The following MAGI1 variants were observed in gnomAD, a reference collection of about 807,000 sequenced individuals.
MAGI1 encodes the protein membrane associated guanylate kinase, WW and PDZ domain containing 1.
In MAGI1, 58 loss-of-function variants were observed where a neutral mutation model predicts 139.9. That is an observed-to-expected ratio of 0.41 (90% CI 0.34 to 0.52). MAGI1 has a LOEUF of 0.52. MAGI1 is among the 20% of genes least tolerant of loss of function. MAGI1 has a pLI of 0.12. For missense variants in MAGI1, 1,874 were observed against 1,901.6 expected, an observed-to-expected ratio of 0.99 and a Z score of 0.27; for synonymous variants, 812 against 737.9, an observed-to-expected ratio of 1.10 and a Z score of -1.63.
intron 12 of MAGI1, among the ~76,000 whole-genome samples, chr3:65,420,559 C>T (rs988774335): frequency 6.6e-6 from 1 of 152,184 alleles, no homozygotes; most frequent in African/African-American, 2.4e-5. Flanking sequence ...GCAGATGACG[C>T]TGCTCTATTC....
At chr3:65,798,952 C>T (rs1325385453) in intron 1 of MAGI1, among the ~76,000 whole-genome samples, 1 of 152,034 alleles carries the variant, frequency 6.6e-6, no homozygotes, top group Admixed American at 6.6e-5. Context: ...GTGAGCAGGT[C>T]GACTGTCAAA....
intron 1 of MAGI1, among the ~76,000 whole-genome samples, chr3:65,696,818 G>C (rs1420698039): frequency 2.0e-5 from 3 of 152,102 alleles, no homozygotes; most frequent in Admixed American, 2.0e-4. Flanking sequence ...TTCTCATAAT[G>C]TGATCCCTGG....
chr3:65,730,617 C>A (rs1477547790), intron 1 of MAGI1, among the ~76,000 whole-genome samples: 2 of 152,140 alleles, frequency 1.3e-5, no homozygotes, highest in African/African-American at 4.8e-5. Flanking sequence ...TGGGACAGGC[C>A]TGCTTTGCCT....
chr3:65,699,778 G>T (rs1576790855), intron 1 of MAGI1, among the ~76,000 whole-genome samples: 2 of 149,288 alleles, frequency 1.3e-5, no homozygotes, highest in African/African-American at 4.9e-5. Context: ...CCTAATGCTA[G>T]ATGACGAGTT....
At chr3:65,860,870 A>G (rs1298113653) in intron 1 of MAGI1, among the ~76,000 whole-genome samples, 1 of 152,228 alleles carries the variant, frequency 6.6e-6, no homozygotes, top group Non-Finnish European at 1.5e-5. Context: ...TCATTATTTT[A>G]CCCATTACTT....
intron 1 of MAGI1, among the ~76,000 whole-genome samples, chr3:65,694,836 C>T (rs2089006446): frequency 1.3e-5 from 2 of 152,206 alleles, no homozygotes; most frequent in Admixed American, 6.5e-5. Context: ...ACTGCAATCA[C>T]TACTCACTAC....
intron 1 of MAGI1, among the ~76,000 whole-genome samples, chr3:65,844,693 C>T (rs1174927323): frequency 6.6e-6 from 1 of 152,114 alleles, no homozygotes; most frequent in Admixed American, 6.6e-5. Flanking sequence ...CAAAGTGCAG[C>T]TTAAAAAGAA....
chr3:65,692,497 T>A (rs2088768278), intron 1 of MAGI1, among the ~76,000 whole-genome samples: 1 of 152,132 alleles, frequency 6.6e-6, no homozygotes, highest in South Asian at 2.1e-4. Flanking sequence ...TTACCCTACA[T>A]AGACTTACAC....
intron 1 of MAGI1, among the ~76,000 whole-genome samples, chr3:65,878,359 T>C (rs1020239346): frequency 6.6e-6 from 1 of 151,776 alleles, no homozygotes; most frequent in African/African-American, 2.4e-5. Flanking sequence ...TCGACAGAAA[T>C]ACAAAAATTA....
chr3:65,850,728 C>A (rs765504504), intron 1 of MAGI1, among the ~76,000 whole-genome samples: 2 of 152,258 alleles, frequency 1.3e-5, no homozygotes, highest in Non-Finnish European at 2.9e-5. Flanking sequence ...CAGGATGCAA[C>A]GTTCACTCCC....
intron 1 of MAGI1, among the ~76,000 whole-genome samples, chr3:65,778,236 G>T (rs1466726655): frequency 2.0e-5 from 3 of 151,934 alleles, no homozygotes; most frequent in African/African-American, 7.3e-5. Flanking sequence ...TCAAGATCAG[G>T]CTGGCCAACA....
intron 21 of MAGI1, among the ~76,000 whole-genome samples, chr3:65,362,166 T>C (rs1246850664): frequency 1.3e-5 from 2 of 152,212 alleles, no homozygotes; most frequent in Admixed American, 1.3e-4. Flanking sequence ...TGGAGTCTAC[T>C]TTCTTACTTA....
intron 1 of MAGI1, among the ~76,000 whole-genome samples, chr3:65,842,962 A>C (rs60284184): frequency 0.083 from 12,579 of 152,170 alleles, 712 homozygotes; most frequent in South Asian, 0.28. Context: ...AAAACTGAAA[A>C]ATGTCTCCCC....
At chr3:65,818,955 C>A (rs1484059690) in intron 1 of MAGI1, among the ~76,000 whole-genome samples, 1 of 152,120 alleles carries the variant, frequency 6.6e-6, no homozygotes, top group East Asian at 1.9e-4. Flanking sequence ...TTTAACTGTA[C>A]CCTCAGAAAA....
intron 2 of MAGI1, among the ~76,000 whole-genome samples, chr3:65,535,270 G>A (rs1054992650): frequency 6.6e-6 from 1 of 152,158 alleles, no homozygotes; most frequent in Non-Finnish European, 1.5e-5. Flanking sequence ...GCTCTTCAAA[G>A]GGAAGATGTG....
chr3:65,538,349 A>C (rs1310533346), intron 2 of MAGI1, among the ~76,000 whole-genome samples: 2 of 152,184 alleles, frequency 1.3e-5, no homozygotes, highest in Admixed American at 6.5e-5. Flanking sequence ...GCATGGACTC[A>C]GGGGATATTC....
intron 1 of MAGI1, among the ~76,000 whole-genome samples, chr3:65,635,292 T>A (rs1037853060): frequency 3.3e-5 from 5 of 152,052 alleles, no homozygotes; most frequent in South Asian, 4.2e-4. Context: ...CTCAAACTCC[T>A]CACCTCATGA....
chr3:65,944,645 A>G (rs527524420), intron 1 of MAGI1, among the ~76,000 whole-genome samples: 28 of 152,328 alleles, frequency 1.8e-4, no homozygotes, highest in African/African-American at 6.3e-4. Flanking sequence ...GAAGGGACGG[A>G]GGGAGGGAGC....
intron 1 of MAGI1, among the ~76,000 whole-genome samples, chr3:65,982,030 C>A (rs750762536): frequency 6.6e-6 from 1 of 152,284 alleles, no homozygotes; most frequent in Admixed American, 6.5e-5. Context: ...CCTCCAGAGA[C>A]CAATCTCTTA....
Sources: allele counts gnomAD v4.1 joint callset (sites outside exome capture counted in the v4.1 genomes callset), GRCh38; gene constraint gnomAD v4.1.1; transcripts MANE v1.5; gene names NCBI Gene and HGNC (gene_info 2026-07-23, HGNC 2026-07-21).